The following TMCC3 variants were observed in gnomAD, a reference collection of about 807,000 sequenced individuals.
TMCC3 encodes the protein transmembrane and coiled-coil domain protein 3.
TMCC3 carries 28 observed loss-of-function variants against 40.2 expected under a neutral mutation model. The ratio of observed to expected loss-of-function variants is 0.70; its 90% CI spans 0.52 to 0.95. The LOEUF (loss-of-function observed/expected upper bound fraction) is 0.95. Ranked by LOEUF, TMCC3 falls within the 40% of genes least tolerant of loss-of-function variation. The pLI is 0.00. For missense variants in TMCC3, 554 were observed against 615.2 expected, an observed-to-expected ratio of 0.90 and a Z score of 1.05; for synonymous variants, 255 against 248.5, an observed-to-expected ratio of 1.03 and a Z score of -0.25.
At chr12:94,585,963 C>G (rs779936416) in intron 1 of TMCC3, among the ~76,000 whole-genome samples, 1 of 152,164 alleles carries the variant, frequency 6.6e-6, no homozygotes, top group Non-Finnish European at 1.5e-5. Context: ...GTCTACTGAA[C>G]CAAAGTGCCA....
At chr12:94,635,235 G>C (rs953022024) in intron 1 of TMCC3, among the ~76,000 whole-genome samples, 1 of 152,176 alleles carries the variant, frequency 6.6e-6, no homozygotes, top group East Asian at 1.9e-4. Flanking sequence ...CCCAGCACAA[G>C]GATATTAAAT....
intron 1 of TMCC3, among the ~76,000 whole-genome samples, chr12:94,589,729 A>G (rs5026918): frequency 0.64 from 96,906 of 152,052 alleles, 30,916 homozygotes; most frequent in Admixed American, 0.67. Context: ...TTTATTGTGA[A>G]TCAGGCACTG....
chr12:94,638,292 C>G (rs2068971518), intron 1 of TMCC3, among the ~76,000 whole-genome samples: 1 of 152,140 alleles, frequency 6.6e-6, no homozygotes, highest in African/African-American at 2.4e-5. Flanking sequence ...ATGCTCTTTC[C>G]CCCATGCCTG....
chr12:94,623,306 C>T lies in TMCC3; in HGVS notation c.78+27047G>A, dbSNP rs749948999. ...GAAGAGAATTAACATTTGTTGAGTGCCTACCATGAGCTGGGCACTTTTACG... is the reference window on the plus strand; with the variant it reads ...GAAGAGAATTAACATTTGTTGAGTGTCTACCATGAGCTGGGCACTTTTACG... On this transcript the variant is annotated intron_variant, in intron 1 of 3. Coordinates refer to ENST00000261226, the MANE Select transcript of TMCC3 (RefSeq NM_020698.4). Among the ~76,000 whole-genome samples the T allele has an allele frequency of 2.6e-5, 4 of 152,066 alleles. No homozygotes were observed. In the East Asian group the frequency reaches 5.8e-4, roughly 22 times the overall value.
At chr12:94,631,404 G>A (rs1201714829) in intron 1 of TMCC3, among the ~76,000 whole-genome samples, 1 of 152,172 alleles carries the variant, frequency 6.6e-6, no homozygotes, top group Non-Finnish European at 1.5e-5. Flanking sequence ...TCATTAGGGT[G>A]GGCCCTAATG....
chr12:94,576,889 CT>C (rs2068568404), intron 3 of TMCC3, among the ~76,000 whole-genome samples: 1 of 152,124 alleles, frequency 6.6e-6, no homozygotes, highest in Admixed American at 6.5e-5. Context: ...TCCCATTATC[CT>C]TTCCTTCCAT....
intron 1 of TMCC3, among the ~76,000 whole-genome samples, chr12:94,593,942 T>C (rs1352611676): frequency 1.3e-5 from 2 of 151,970 alleles, no homozygotes; most frequent in Non-Finnish European, 2.9e-5. Flanking sequence ...AAGGGAAGGC[T>C]ACAGTGATGA....
intron 1 of TMCC3, among the ~76,000 whole-genome samples, chr12:94,602,562 G>T (rs2068759224): frequency 6.6e-6 from 1 of 152,212 alleles, no homozygotes; most frequent in Admixed American, 6.5e-5. Flanking sequence ...ATGAGTGAAT[G>T]AAACTTGTAG....
At chr12:94,634,812 A>G (rs1292447176) in intron 1 of TMCC3, among the ~76,000 whole-genome samples, 1 of 152,268 alleles carries the variant, frequency 6.6e-6, no homozygotes. Flanking sequence ...TAAATTGCCC[A>G]GCACATGAGG....
chr12:94,646,787 A>G (rs2069022147), intron 1 of TMCC3, among the ~76,000 whole-genome samples: 1 of 150,482 alleles, frequency 6.6e-6, no homozygotes, highest in African/African-American at 2.5e-5. Context: ...AAGACACACA[A>G]TCACTCCCAG....
intron 1 of TMCC3, among the ~76,000 whole-genome samples, chr12:94,603,151 C>A (rs2068762647): frequency 6.6e-6 from 1 of 152,190 alleles, no homozygotes; most frequent in Non-Finnish European, 1.5e-5. Flanking sequence ...GTGGCGCAAT[C>A]TCGGTTCACC....
Position 94,650,336 on chromosome 12 carries a change from C to G in TMCC3, c.78+17G>C, listed in dbSNP as rs2069049252. On this transcript the variant is annotated intron_variant, in intron 1 of 3. Coordinates refer to ENST00000261226, the MANE Select transcript of TMCC3 (RefSeq NM_020698.4). The stretch of plus-strand genomic sequence containing the variant: ...GGGCCCGCGCGCACCCGCCGCCCCC[C>G]AGCCCGCTGCGCTCACCCGGCTCTT... 3.1e-6 allele frequency: 4 copies of G among 1,287,692 alleles called. No individual in the cohort carries two copies. The highest frequency in any genetic ancestry group is 3.9e-6 in the Non-Finnish European group (4 of 1,014,534). The allele number at this position is 1,287,692 out of a possible 1,614,324, so 79.8% of individuals were successfully genotyped here.
At chr12:94,588,433 GTGACAGA>G (rs1268489792) in intron 1 of TMCC3, among the ~76,000 whole-genome samples, 4 of 152,152 alleles carry the variant, frequency 2.6e-5, no homozygotes, top group African/African-American at 4.8e-5. Context: ...TCACAACAAT[GTGACAGA>G]TGACAACGGC....
chr12:94,641,852 T>C (rs1211491423), intron 1 of TMCC3, among the ~76,000 whole-genome samples: 1 of 151,916 alleles, frequency 6.6e-6, no homozygotes, highest in African/African-American at 2.4e-5. Flanking sequence ...AGGACATGGA[T>C]GAACTCTTCA....
intron 1 of TMCC3, among the ~76,000 whole-genome samples, chr12:94,613,060 C>T (rs970124326): frequency 4.0e-5 from 6 of 151,854 alleles, no homozygotes; most frequent in Admixed American, 1.3e-4. Context: ...TATATATACA[C>T]GCACATTGGA....
intron 3 of TMCC3, among the ~76,000 whole-genome samples, chr12:94,572,249 C>T (rs1212815132): frequency 6.6e-6 from 1 of 151,464 alleles, no homozygotes; most frequent in African/African-American, 2.4e-5. Flanking sequence ...CGGCCCACCT[C>T]GGCCTCCCAG....
At chr12:94,620,031 C>T (rs548523575) in intron 1 of TMCC3, among the ~76,000 whole-genome samples, 84 of 151,946 alleles carry the variant, frequency 5.5e-4, no homozygotes, top group African/African-American at 9.4e-4. Flanking sequence ...GGCGTGGTGG[C>T]GGGTGCATGT....
chr12:94,646,030 C>G (rs2069016217), intron 1 of TMCC3, among the ~76,000 whole-genome samples: 1 of 152,076 alleles, frequency 6.6e-6, no homozygotes, highest in Non-Finnish European at 1.5e-5. Flanking sequence ...TTACAGGATC[C>G]AAGATTACAC....
chr12:94,640,779 C>G (rs1365963463), intron 1 of TMCC3, among the ~76,000 whole-genome samples: 1 of 152,194 alleles, frequency 6.6e-6, no homozygotes, highest in Non-Finnish European at 1.5e-5. Flanking sequence ...AGTGAAAGAG[C>G]TGACGTTCAA....
Sources: gnomAD v4.1 joint callset for allele counts (sites outside exome capture counted in the v4.1 genomes callset) on GRCh38, gnomAD v4.1.1 for gene constraint, MANE v1.5 for transcripts, NCBI Gene and HGNC (gene_info 2026-07-23, HGNC 2026-07-21) for gene names.